Variants in ADAMTS16 observed in about 807,000 individuals in gnomAD.
ADAMTS16 encodes the protein A disintegrin and metalloproteinase with thrombospondin motifs 16.
ADAMTS16 carries 94 observed loss-of-function variants against 145.8 expected under a neutral mutation model. That is an observed-to-expected ratio of 0.64 (90% CI 0.55 to 0.77). The LOEUF is 0.77. ADAMTS16 is among the 30% of genes least tolerant of loss of function. ADAMTS16 has a pLI of 0.00. For missense variants in ADAMTS16, 1,585 were observed against 1,591.5 expected (o/e 1.00, Z 0.07); for synonymous variants, 659 against 604.3 (o/e 1.09, Z -1.33).
rs548203446 is a variant in ADAMTS16 at position 5,262,400 on chromosome 5, A to C, written c.2663-257A>C. Among the ~76,000 whole-genome samples the C allele has an allele frequency of 1.4e-4, 21 of 152,382 alleles. No homozygotes were observed. The South Asian group carries it at 4.4e-3, about 32-fold the overall frequency. On this transcript the variant is annotated intron_variant, in intron 17 of 22. Coordinates refer to ENST00000274181, the MANE Select transcript of ADAMTS16 (RefSeq NM_139056.4). ...TATGATGACATCAATCGCAAAACAA[A>C]TGTTGACTTTAAAGATGTTAATATA...
At chr5:5,239,110 C>T in intron 14 of ADAMTS16, 41 bp from the exon 15 acceptor site, 1 of 1,452,612 alleles carries the variant, frequency 6.9e-7, no homozygotes, top group South Asian at 1.6e-5. Context: ...CTGTGTTGTC[C>T]TTTCTTTCAT....
At chr5:5,300,676 C>T (rs1317295449) in intron 18 of ADAMTS16, among the ~76,000 whole-genome samples, 2 of 152,152 alleles carry the variant, frequency 1.3e-5, no homozygotes, top group Non-Finnish European at 2.9e-5. Flanking sequence ...GGGGCGGGAT[C>T]AATTCTGTTT....
Position 5,288,462 on chromosome 5 carries a change from A to C in ADAMTS16, c.2790-14806A>C, listed in dbSNP as rs980254185. On this transcript the variant is annotated intron_variant, in intron 18 of 22. Transcript: ENST00000274181. ...TGTATGTGCATAATGACTAAGGGAA[A>C]CCTGTTTGGAACGACTGAGGCTCTG... is the stretch of plus-strand genomic sequence containing the variant. Among the ~76,000 whole-genome samples, 4 of 152,258 alleles carry C rather than the reference A, an allele frequency of 2.6e-5. No individual in the cohort carries two copies. In the South Asian group the frequency reaches 6.2e-4, roughly 24 times the overall value.
chr5:5,242,463 T>A (rs1004766229), intron 17 of ADAMTS16, among the ~76,000 whole-genome samples: 1 of 152,174 alleles, frequency 6.6e-6, no homozygotes, highest in Non-Finnish European at 1.5e-5. Context: ...TTTTAGAGGA[T>A]GATTTTGTTA....
intron 12 of ADAMTS16, among the ~76,000 whole-genome samples, chr5:5,234,646 C>T (rs2913628): frequency 0.7 from 107,125 of 152,070 alleles, 38,378 homozygotes; most frequent in East Asian, 0.83. Flanking sequence ...TTGAGGTGCA[C>T]GGACAACAGG....
At position 5,303,783 on chromosome 5, in the gene ADAMTS16, C is replaced by T. The variant is rs1451763082; in HGVS notation, c.3186+17C>T. The T allele has an allele frequency of 9.9e-6, 16 of 1,609,908 alleles. No homozygotes were observed. The highest frequency in any genetic ancestry group is 2.2e-5 in the East Asian group (1 of 44,774). On this transcript the variant is annotated intron_variant, in intron 20 of 22. Coordinates refer to ENST00000274181, the MANE Select transcript of ADAMTS16 (RefSeq NM_139056.4). ...TGGTCCCAGGTAGGTGCACTGGTCT[C>T]GCGGGAGCGAGGTTGACTAGCTCTC...
At chr5:5,253,678 G>C (rs1224348471) in intron 17 of ADAMTS16, among the ~76,000 whole-genome samples, 1 of 152,106 alleles carries the variant, frequency 6.6e-6, no homozygotes, top group Non-Finnish European at 1.5e-5. Flanking sequence ...CTCATCCCTA[G>C]TGCCTCAGTT....
chr5:5,152,146 G>A (rs1734485563), intron 3 of ADAMTS16, among the ~76,000 whole-genome samples: 1 of 152,202 alleles, frequency 6.6e-6, no homozygotes, highest in Admixed American at 6.5e-5. Flanking sequence ...CCCACATTCT[G>A]CTCCAAATAA....
intron 3 of ADAMTS16, among the ~76,000 whole-genome samples, chr5:5,170,524 A>C (rs1013260102): frequency 6.6e-6 from 1 of 151,720 alleles, no homozygotes; most frequent in Admixed American, 6.6e-5. Flanking sequence ...GATTACAGGC[A>C]TGCGCCATCA....
intron 15 of ADAMTS16, 70 bp from the exon 16 acceptor site, chr5:5,239,611 G>C: frequency 3.2e-6 from 5 of 1,586,076 alleles, no homozygotes; most frequent in Non-Finnish European, 3.4e-6. Context: ...CCGAGGACTG[G>C]GGTTGCTTAG....
At chr5:5,233,104 A>G (rs1262686652) in intron 12 of ADAMTS16, among the ~76,000 whole-genome samples, 1 of 152,208 alleles carries the variant, frequency 6.6e-6, no homozygotes, top group Non-Finnish European at 1.5e-5. Context: ...TTGACATACC[A>G]AGGATCTGCT....
chr5:5,200,405 A>T, intron 9 of ADAMTS16, 136 bp downstream of exon 9: 1 of 1,176,288 alleles, frequency 8.5e-7, no homozygotes. Context: ...TGAGACATTC[A>T]GTTGACCGAA....
chr5:5,319,551 T>C lies in ADAMTS16; in HGVS notation c.*413T>C. The C allele has an allele frequency of 3.4e-6, 1 of 293,938 alleles. No homozygotes were observed. The highest frequency in any genetic ancestry group is 3.1e-5 in the South Asian group (1 of 31,812). The allele number at this position is 293,938 out of a possible 1,614,324, so 18.2% of individuals were successfully genotyped here. A position where few individuals can be genotyped will look rare whatever the true frequency, so the allele number is the denominator to read the frequency against. On this transcript the variant is annotated 3_prime_UTR_variant, in exon 23 of 23. Transcript: ENST00000274181. ...AAATAAGGAAAACATACAAAATATG[T>C]ACCCCCTAGTTCACCAGCCTCCCCT...
rs1265122331 is a variant in ADAMTS16, at chr5:5,182,192, G to C, written c.650G>C (p.Ser217Thr). 2 of 1,614,070 alleles carry C rather than the reference G, an allele frequency of 1.2e-6. No individual in the cohort carries two copies. Among genetic ancestry groups the C allele is most frequent in the African/African-American group, 2.7e-5 (2 of 74,928 alleles). The change falls in exon 4 of 23, where the codon AGT becomes ACT. Residue 217 changes from serine (S) to threonine (T), a missense_variant. Ser to Thr is a moderately conservative substitution (Grantham distance 58). This residue lies in a region of ADAMTS16 where 453 missense variants were observed against 412.1 expected (regional missense o/e 1.10). Transcript: ENST00000274181. ...RSTEPHAPGASEVLVTSRTWE... is the reference protein window; with the variant it reads ...RSTEPHAPGATEVLVTSRTWE... ...ACAGAGCCCCATGCTCCTGGGGCCA[G>C]TGAGGTCCTGGTGACCTCAAGGACA...
At chr5:5,146,071 T>A in intron 2 of ADAMTS16, 59 bp from the exon 3 acceptor site, 2 of 1,446,822 alleles carry the variant, frequency 1.4e-6, no homozygotes, top group Admixed American at 3.6e-5. Flanking sequence ...TCTTAAGACT[T>A]CCTGATTCTT....
At chr5:5,188,655 A>G (rs988283206) in intron 6 of ADAMTS16, among the ~76,000 whole-genome samples, 1 of 152,132 alleles carries the variant, frequency 6.6e-6, no homozygotes, top group African/African-American at 2.4e-5. Flanking sequence ...AAAACAAAGA[A>G]TTTTTTAGAT....
intron 9 of ADAMTS16, among the ~76,000 whole-genome samples, chr5:5,206,391 A>G (rs1207252845): frequency 5.1e-5 from 5 of 97,220 alleles, no homozygotes; most frequent in African/African-American, 2.1e-4. Flanking sequence ...CCGCCACTGC[A>G]CTCCAGCCTG....
At chr5:5,155,189 TC>T (rs1414580746) in intron 3 of ADAMTS16, among the ~76,000 whole-genome samples, 1 of 152,080 alleles carries the variant, frequency 6.6e-6, no homozygotes, top group Non-Finnish European at 1.5e-5. Context: ...AAGAAGGAAG[TC>T]CACTGGGTCT....
At chr5:5,194,461 C>G (rs1735746744) in intron 8 of ADAMTS16, among the ~76,000 whole-genome samples, 1 of 152,164 alleles carries the variant, frequency 6.6e-6, no homozygotes, top group Admixed American at 6.5e-5. Context: ...GTCGCCTTCA[C>G]TGACTTAGGG....
Sources: allele counts gnomAD v4.1 joint callset (sites outside exome capture counted in the v4.1 genomes callset), GRCh38; gene constraint gnomAD v4.1.1; regional missense constraint gnomAD v4.1.1; transcripts MANE v1.5; gene names NCBI Gene and HGNC (gene_info 2026-07-23, HGNC 2026-07-21).